The following PHF20 variants were observed in gnomAD, a reference collection of about 807,000 sequenced individuals.
PHF20 encodes PHD finger protein 20.
PHF20 carries 23 observed loss-of-function variants against 113.5 expected under a neutral mutation model. The ratio of observed to expected loss-of-function variants is 0.20; its 90% CI spans 0.15 to 0.29. The LOEUF is 0.29. Ranked by LOEUF, PHF20 falls within the 10% of genes least tolerant of loss-of-function variation. The pLI is 1.00. For synonymous variants in PHF20, 434 were observed against 457.3 expected (o/e 0.95, Z 0.65); for missense variants, 943 against 1,219.6 (o/e 0.77, Z 3.38).
intron 1 of PHF20, among the ~76,000 whole-genome samples, chr20:35,790,443 C>T (rs750656331): frequency 2.6e-5 from 4 of 152,088 alleles, no homozygotes; most frequent in African/African-American, 7.2e-5. Context: ...TCAGGTGATC[C>T]GCCTGCCTCA....
intron 12 of PHF20, 27 bp downstream of exon 12, chr20:35,914,224 T>C: frequency 6.3e-7 from 1 of 1,597,596 alleles, no homozygotes; most frequent in Non-Finnish European, 8.6e-7. Flanking sequence ...GTCCTGATCA[T>C]TTGCTGATCA....
chr20:35,783,220 AAAAG>A (rs765388746), intron 1 of PHF20, among the ~76,000 whole-genome samples: 2 of 152,114 alleles, frequency 1.3e-5, no homozygotes, highest in Admixed American at 1.3e-4. Context: ...AAAGAAAAGA[AAAAG>A]AAAACATAGT....
chr20:35,942,555 T>C (rs1167474645), intron 17 of PHF20, among the ~76,000 whole-genome samples: 43 of 152,306 alleles, frequency 2.8e-4, no homozygotes, highest in Non-Finnish European at 2.9e-5. Context: ...CCCTGCCGAA[T>C]GGGCAGTGTG....
chr20:35,844,764 G>A (rs1372695543), intron 3 of PHF20, among the ~76,000 whole-genome samples: 1 of 152,058 alleles, frequency 6.6e-6, no homozygotes, highest in Non-Finnish European at 1.5e-5. Flanking sequence ...AAACAAGGGT[G>A]AAGGCACTAT....
Position 35,913,003 on chromosome 20 carries a change from C to T in PHF20, c.1562-246C>T, listed in dbSNP as rs552621703. Among the ~76,000 whole-genome samples, 6 of 152,300 alleles carry T rather than the reference C, an allele frequency of 3.9e-5. No homozygotes were observed. The South Asian group carries it at 6.2e-4, about 16-fold the overall frequency. On this transcript the variant is annotated intron_variant, in intron 10 of 17. Transcript: ENST00000374012. The stretch of plus-strand genomic sequence containing the variant: ...CTCTGCTGTTGAAGTGTGAAAGACA[C>T]GTAACCAATGAACATGGCATGTTTC...
At chr20:35,877,625 TGTA>T (rs1484721162) in intron 9 of PHF20, among the ~76,000 whole-genome samples, 1 of 151,126 alleles carries the variant, frequency 6.6e-6, no homozygotes, top group Admixed American at 6.6e-5. Flanking sequence ...TTGCCCACGC[TGTA>T]GTACAGTGGT....
At chr20:35,797,538 T>C (rs1388870696) in intron 1 of PHF20, among the ~76,000 whole-genome samples, 1 of 148,872 alleles carries the variant, frequency 6.7e-6, no homozygotes, top group Non-Finnish European at 1.5e-5. Flanking sequence ...GAAAAAAATA[T>C]GAAGAAACAT....
chr20:35,946,507 C>T (rs907988658), intron 17 of PHF20, among the ~76,000 whole-genome samples: 13 of 151,906 alleles, frequency 8.6e-5, no homozygotes, highest in African/African-American at 1.7e-4. Flanking sequence ...CTGATGATTG[C>T]GTATCAATCA....
chr20:35,848,678 G>A (rs929171994), intron 4 of PHF20, among the ~76,000 whole-genome samples: 5 of 151,876 alleles, frequency 3.3e-5, no homozygotes, highest in African/African-American at 7.3e-5. Flanking sequence ...GGGCAACATA[G>A]TGAGACCTCA....
intron 2 of PHF20, among the ~76,000 whole-genome samples, chr20:35,831,969 G>A (rs2042364305): frequency 6.6e-6 from 1 of 152,188 alleles, no homozygotes; most frequent in South Asian, 2.1e-4. Context: ...TCCGTGGACT[G>A]CTCTTGGCAA....
chr20:35,849,058 G>C (rs964715829), intron 4 of PHF20, among the ~76,000 whole-genome samples: 1 of 152,154 alleles, frequency 6.6e-6, no homozygotes, highest in African/African-American at 2.4e-5. Context: ...GCCAAAACCT[G>C]TTGTCCTGAG....
chr20:35,841,204 G>A (rs1214965657), intron 2 of PHF20, among the ~76,000 whole-genome samples: 2 of 151,896 alleles, frequency 1.3e-5, no homozygotes, highest in Non-Finnish European at 2.9e-5. Flanking sequence ...AATTAGCACT[G>A]TATGGTGGTG....
intron 2 of PHF20, among the ~76,000 whole-genome samples, chr20:35,808,797 C>T (rs548568586): frequency 4.0e-5 from 6 of 151,740 alleles, no homozygotes; most frequent in African/African-American, 1.4e-4. Context: ...TGGTCTCGAT[C>T]TCCTGACCTC....
At position 35,871,723 on chromosome 20, in the gene PHF20, C is replaced by T. The variant is rs199566070; in HGVS notation, c.1176C>T (p.Ser392=). ...ALTCHSFGDG[S]GAAGLELNCP... ...CTTGCCACTCCTTTGGGGATGGATC[C>T]GGGGCTGCAGGCTTGGAGTTGAACT... The change falls in exon 9 of 18, where the codon TCC becomes TCT. Residue 392 remains serine, a synonymous_variant. Coordinates refer to ENST00000374012, the MANE Select transcript of PHF20 (RefSeq NM_016436.5). The T allele has an allele frequency of 1.8e-5, 29 of 1,613,724 alleles. No homozygotes were observed. The highest frequency in any genetic ancestry group is 2.0e-5 in the Non-Finnish European group (24 of 1,179,864).
In PHF20 at chr20:35,810,452, A is replaced by G. The variant is rs1309127992; in HGVS notation, c.83+8847A>G. Among the ~76,000 whole-genome samples the G allele has an allele frequency of 5.3e-5, 8 of 152,090 alleles. No homozygotes were observed. In the East Asian group the frequency reaches 1.2e-3, roughly 22 times the overall value. On this transcript the variant is annotated intron_variant, in intron 2 of 17. Transcript: ENST00000374012. ...GCCTTTTTGTTATATGCACAAACCA[A>G]TCAGCATACATTCCCCATTCTGAAC...
intron 2 of PHF20, among the ~76,000 whole-genome samples, chr20:35,823,425 A>G (rs2042205847): frequency 7.0e-6 from 1 of 143,626 alleles, no homozygotes; most frequent in East Asian, 2.0e-4. Flanking sequence ...ACATAATGGG[A>G]CTTCGTCTCT....
chr20:35,873,656 G>A (rs190465442), intron 9 of PHF20, among the ~76,000 whole-genome samples: 107 of 151,982 alleles, frequency 7.0e-4, no homozygotes, highest in Non-Finnish European at 1.3e-3. Context: ...TTTTAGTAGA[G>A]ACGGGGTTTC....
chr20:35,871,783 A>G lies in PHF20; in HGVS notation c.1236A>G (p.Glu412=), dbSNP rs766874893. 6.2e-7 allele frequency: 1 copy of G among 1,613,114 alleles called. No homozygotes were observed. Among genetic ancestry groups the G allele is most frequent in the Non-Finnish European group, 8.5e-7 (1 of 1,179,484 alleles). The change falls in exon 9 of 18, where the codon GAA becomes GAG. Residue 412 remains glutamate (E), a synonymous_variant. Transcript: ENST00000374012. Reference sequence around the variant, plus strand: ...TGGGAGAAAACACGATGAAAACAGAACCGACTTCTCCCCTTGTGGAATTAC... The same window carrying G: ...TGGGAGAAAACACGATGAAAACAGAGCCGACTTCTCCCCTTGTGGAATTAC... ...PSMGENTMKT[E]PTSPLVELQE...
intron 14 of PHF20, among the ~76,000 whole-genome samples, chr20:35,928,236 C>T (rs2055681031): frequency 6.6e-6 from 1 of 151,394 alleles, no homozygotes; most frequent in Non-Finnish European, 1.5e-5. Context: ...ATCAGGAGTT[C>T]GAGACCAGCC....
Sources: gnomAD v4.1 joint callset for allele counts (sites outside exome capture counted in the v4.1 genomes callset) on GRCh38, gnomAD v4.1.1 for gene constraint, MANE v1.5 for transcripts, NCBI Gene and HGNC (gene_info 2026-07-23, HGNC 2026-07-21) for gene names.